Variants in GRIK2 observed in about 807,000 individuals in gnomAD.
GRIK2 encodes the protein glutamate ionotropic receptor kainate type subunit 2.
Under a neutral mutation model 100.3 loss-of-function variants are expected in GRIK2, and 32 were observed. The observed-to-expected ratio is 0.32, with a 90% CI of 0.24 to 0.43. The LOEUF (loss-of-function observed/expected upper bound fraction) is 0.43. GRIK2 is among the 20% of genes least tolerant of loss of function. The pLI, the probability that GRIK2 is intolerant of heterozygous loss-of-function variation, is 1.00. For missense variants in GRIK2, 843 were observed against 1,114.9 expected (o/e 0.76, Z 3.47); for synonymous variants, 417 against 389.4 (o/e 1.07, Z -0.83).
At chr6:101,457,544 A>C (rs1771076739) in intron 2 of GRIK2, among the ~76,000 whole-genome samples, 1 of 152,150 alleles carries the variant, frequency 6.6e-6, no homozygotes, top group East Asian at 1.9e-4. Context: ...TTCATGGCTA[A>C]ACCTGCTTTA....
At chr6:101,797,297 T>C (rs1027060712) in intron 7 of GRIK2, among the ~76,000 whole-genome samples, 1 of 151,954 alleles carries the variant, frequency 6.6e-6, no homozygotes, top group South Asian at 2.1e-4. Flanking sequence ...AGTTAAACAT[T>C]ATTATTTTAT....
chr6:101,505,315 T>G (rs955355267), intron 2 of GRIK2, among the ~76,000 whole-genome samples: 1 of 152,144 alleles, frequency 6.6e-6, no homozygotes, highest in Non-Finnish European at 1.5e-5. Flanking sequence ...CTCAAACTTA[T>G]GTCAGTTGCA....
intron 5 of GRIK2, among the ~76,000 whole-genome samples, chr6:101,679,395 G>A (rs913298368): frequency 6.6e-6 from 1 of 152,018 alleles, no homozygotes; most frequent in African/African-American, 2.4e-5. Flanking sequence ...TAATGTTGGG[G>A]TTTCTAATAA....
intron 2 of GRIK2, among the ~76,000 whole-genome samples, chr6:101,533,887 C>T (rs1775563049): frequency 1.3e-5 from 2 of 151,918 alleles, no homozygotes; most frequent in Admixed American, 6.6e-5. Flanking sequence ...TTGAATATAG[C>T]TTTATAACAT....
chr6:101,736,111 A>G (rs1775615804), intron 7 of GRIK2, among the ~76,000 whole-genome samples: 2 of 152,304 alleles, frequency 1.3e-5, no homozygotes, highest in Non-Finnish European at 2.9e-5. Flanking sequence ...ATGTTGATGT[A>G]AGATGTGGGT....
intron 7 of GRIK2, among the ~76,000 whole-genome samples, chr6:101,690,681 C>T (rs1772029712): frequency 6.6e-6 from 1 of 151,988 alleles, no homozygotes; most frequent in African/African-American, 2.4e-5. Flanking sequence ...TCCAATTTGT[C>T]CAGCCTCATA....
At chr6:101,817,000 T>G (rs191591407) in intron 9 of GRIK2, among the ~76,000 whole-genome samples, 1 of 152,322 alleles carries the variant, frequency 6.6e-6, no homozygotes, top group East Asian at 1.9e-4. Flanking sequence ...TACGGCCCTG[T>G]ACATTATCAT....
At chr6:101,509,131 C>A (rs1277302169) in intron 2 of GRIK2, among the ~76,000 whole-genome samples, 1 of 135,108 alleles carries the variant, frequency 7.4e-6, no homozygotes, top group African/African-American at 2.8e-5. Context: ...GCACTCCAGT[C>A]TGGGTGACAG....
intron 7 of GRIK2, among the ~76,000 whole-genome samples, chr6:101,780,871 A>G (rs745346500): frequency 6.6e-6 from 1 of 152,208 alleles, no homozygotes; most frequent in Non-Finnish European, 1.5e-5. Context: ...GCAACTGGAT[A>G]GAAGCAAACT....
At chr6:101,399,757 G>A (rs983688543) in intron 2 of GRIK2, among the ~76,000 whole-genome samples, 1 of 152,220 alleles carries the variant, frequency 6.6e-6, no homozygotes, top group Non-Finnish European at 1.5e-5. Context: ...AGTGCGCGCC[G>A]GGGCTGCACG....
In GRIK2 at chr6:101,875,685, T is replaced by G. The variant is rs573696080; in HGVS notation, c.1525-13955T>G. On this transcript the variant is annotated intron_variant, in intron 11 of 16. Coordinates refer to ENST00000369134, the MANE Select transcript of GRIK2 (RefSeq NM_021956.5). ...CTCATTGTTTTTTCCCCTCCATTAA[T>G]TGGAAGTTATAAGCTTTATTTCTCT... 1.8e-4 allele frequency among the ~76,000 whole-genome samples: 27 copies of G among 152,002 alleles called. No homozygotes were observed. In the East Asian group the frequency reaches 5.1e-3, roughly 28 times the overall value.
chr6:101,909,633 TGAA>T (rs769575015), intron 12 of GRIK2, among the ~76,000 whole-genome samples: 8 of 150,192 alleles, frequency 5.3e-5, no homozygotes, highest in East Asian at 2.0e-4. Context: ...GAATAAAAAA[TGAA>T]GAAGAAAAAA....
intron 14 of GRIK2, among the ~76,000 whole-genome samples, chr6:102,025,778 A>C (rs976808629): frequency 1.3e-5 from 2 of 151,264 alleles, no homozygotes; most frequent in Non-Finnish European, 3.0e-5. Flanking sequence ...ATCTACGCAC[A>C]CACAGTGCGT....
intron 14 of GRIK2, among the ~76,000 whole-genome samples, chr6:101,942,693 A>C (rs1465792033): frequency 6.6e-6 from 1 of 152,200 alleles, no homozygotes; most frequent in Non-Finnish European, 1.5e-5. Context: ...TGGTGGAAGA[A>C]ATTTCAAAGC....
At chr6:101,493,402 C>T (rs1202708052) in intron 2 of GRIK2, among the ~76,000 whole-genome samples, 2 of 152,034 alleles carry the variant, frequency 1.3e-5, no homozygotes, top group African/African-American at 4.8e-5. Flanking sequence ...CAAAATCTGA[C>T]TGACAGCTAA....
intron 12 of GRIK2, among the ~76,000 whole-genome samples, chr6:101,922,013 T>C (rs1582540314): frequency 1.3e-5 from 2 of 151,888 alleles, no homozygotes; most frequent in South Asian, 4.1e-4. Flanking sequence ...GAATAAATTA[T>C]ACAAGAGACT....
chr6:101,509,644 C>T (rs1278466309), intron 2 of GRIK2, among the ~76,000 whole-genome samples: 1 of 152,122 alleles, frequency 6.6e-6, no homozygotes, highest in African/African-American at 2.4e-5. Flanking sequence ...GGAAAATTTT[C>T]CATATGTGTC....
In GRIK2 at chr6:101,990,157, C is replaced by G. The variant is rs144020012; in HGVS notation, c.2086-45184C>G. 1.7e-3 allele frequency among the ~76,000 whole-genome samples: 257 copies of G among 151,628 alleles called. 1 individual carries two copies. The highest frequency in any genetic ancestry group is 5.9e-3 in the African/African-American group (243 of 41,464). The stretch of plus-strand genomic sequence containing the variant: ...GGGAGGAAAGATTTATTGCTGCCAC[C>G]CTAATAGTACAGTGAGTCTTTATTC... On this transcript the variant is annotated intron_variant, in intron 14 of 16. Transcript: ENST00000369134.
intron 2 of GRIK2, among the ~76,000 whole-genome samples, chr6:101,555,514 A>G (rs1451607126): frequency 6.6e-6 from 1 of 152,226 alleles, no homozygotes; most frequent in African/African-American, 2.4e-5. Flanking sequence ...AGGAATAGGG[A>G]CTTCAATGAT....
Sources: gnomAD v4.1 joint callset for allele counts (sites outside exome capture counted in the v4.1 genomes callset) on GRCh38, gnomAD v4.1.1 for gene constraint, MANE v1.5 for transcripts, NCBI Gene and HGNC (gene_info 2026-07-23, HGNC 2026-07-21) for gene names.